YEATS2: variants seen among roughly 807,000 people sequenced by gnomAD.
YEATS2 encodes the protein YEATS domain containing 2, also known as YEATS domain-containing protein 2.
Under a neutral mutation model 163.2 loss-of-function variants are expected in YEATS2, and 77 were observed. The observed-to-expected ratio is 0.47, with a 90% CI of 0.39 to 0.57. YEATS2 has a LOEUF of 0.57. Among genes scored for constraint, YEATS2 ranks in the 20% least tolerant of loss-of-function variants. The probability of loss-of-function intolerance (pLI) is 0.00; values close to 1 mark genes in which losing one functional copy is unlikely to be tolerated. For missense variants in YEATS2, 1,549 were observed against 1,729.8 expected, an observed-to-expected ratio of 0.90 and a Z score of 1.85; for synonymous variants, 631 against 645.1, an observed-to-expected ratio of 0.98 and a Z score of 0.33.
chr3:183,786,014 CT>C, intron 19 of YEATS2, 110 bp from the exon 20 acceptor site: 1 of 1,298,912 alleles, frequency 7.7e-7, no homozygotes, highest in Admixed American at 2.3e-5. Context: ...ATTGGTAAGA[CT>C]TTCTTGGTTA....
intron 19 of YEATS2, among the ~76,000 whole-genome samples, chr3:183,784,036 G>C (rs572215034): frequency 1.3e-5 from 2 of 152,232 alleles, no homozygotes; most frequent in South Asian, 2.1e-4. Flanking sequence ...CTCCCAAGTA[G>C]TTAGGACTAC....
At chr3:183,707,075 C>T (rs923505126) in intron 1 of YEATS2, among the ~76,000 whole-genome samples, 1 of 152,166 alleles carries the variant, frequency 6.6e-6, no homozygotes, top group Non-Finnish European at 1.5e-5. Context: ...GATTTGGGTT[C>T]CTTCCCAAAG....
At chr3:183,738,391 CTTTTT>C (rs1173865612) in intron 8 of YEATS2, among the ~76,000 whole-genome samples, 82 of 74,038 alleles carry the variant, frequency 1.1e-3, no homozygotes, top group East Asian at 4.1e-3. Context: ...AGGAAAAGTT[CTTTTT>C]TTTTTTTTTT....
chr3:183,762,667 T>A (rs1449937087), intron 15 of YEATS2, among the ~76,000 whole-genome samples: 4 of 152,216 alleles, frequency 2.6e-5, no homozygotes. Context: ...GGCTGTTACC[T>A]GTTTAATGAT....
At chr3:183,774,363 T>TCCTTATGAGAATCTAATG (rs1722764157) in intron 17 of YEATS2, among the ~76,000 whole-genome samples, 1 of 152,168 alleles carries the variant, frequency 6.6e-6, no homozygotes, top group Admixed American at 6.5e-5. Context: ...GGTTGTGTGC[T>TCCTTATGAGAATCTAATG]CCTTATGAGA....
intron 10 of YEATS2, among the ~76,000 whole-genome samples, chr3:183,753,267 C>T (rs1000434050): frequency 6.6e-5 from 10 of 152,022 alleles, no homozygotes; most frequent in Non-Finnish European, 1.5e-4. Context: ...TTAAATTTAA[C>T]AAATATATGT....
chr3:183,722,745 C>T (rs1577058980), intron 5 of YEATS2, among the ~76,000 whole-genome samples: 1 of 152,176 alleles, frequency 6.6e-6, no homozygotes, highest in East Asian at 1.9e-4. Flanking sequence ...CTCTGTCTCC[C>T]AGGTTCAAGC....
At position 183,776,018 on chromosome 3, in the gene YEATS2, A is replaced by T; in HGVS notation, c.2472A>T (p.Gly824=). Reference sequence around the variant, plus strand: ...GCAGCGGTGGAGGCGGCAGCACAGGAGGAGGAGGAGGAACAGCAGGAGGAG... The same window carrying T: ...GCAGCGGTGGAGGCGGCAGCACAGGTGGAGGAGGAGGAACAGCAGGAGGAG... ...GSGSGGGGST[G]GGGGTAGGGT... is the part of the protein sequence containing the mutation. Residue 824 remains glycine (G), a synonymous_variant, in exon 18 of 31, where the codon GGA becomes GGT. Coordinates refer to ENST00000305135, the MANE Select transcript of YEATS2 (RefSeq NM_018023.5). The T allele has an allele frequency of 6.2e-7, 1 of 1,612,392 alleles. No homozygotes were observed. Among genetic ancestry groups the T allele is most frequent in the Non-Finnish European group, 8.5e-7 (1 of 1,179,368 alleles).
At chr3:183,705,258 C>T (rs1043045960) in intron 1 of YEATS2, among the ~76,000 whole-genome samples, 1 of 152,066 alleles carries the variant, frequency 6.6e-6, no homozygotes, top group African/African-American at 2.4e-5. Context: ...CTGTGTTGCC[C>T]AGGGTGGTCT....
At chr3:183,805,606 C>T (rs543726656) in intron 27 of YEATS2, among the ~76,000 whole-genome samples, 3 of 151,976 alleles carry the variant, frequency 2.0e-5, no homozygotes, top group South Asian at 2.1e-4. Flanking sequence ...CTGGACAACA[C>T]GGTGAAACCT....
At position 183,773,798 on chromosome 3, in the gene YEATS2, A is replaced by C. The variant is rs1289783906; in HGVS notation, c.2368+4A>C. On this transcript the variant is annotated splice_donor_region_variant and intron_variant, in intron 17 of 30. Coordinates refer to ENST00000305135, the MANE Select transcript of YEATS2 (RefSeq NM_018023.5). ...CTGCGAGCTACGAACAATGCTAGTT[A>C]GTGAAACCATTGGGTTGAATCATTT... 6.3e-7 allele frequency: 1 copy of C among 1,599,860 alleles called. No homozygotes were observed. Among genetic ancestry groups the C allele is most frequent in the Non-Finnish European group, 8.5e-7 (1 of 1,175,720 alleles).
At chr3:183,755,098 A>G (rs1020421358) in intron 11 of YEATS2, among the ~76,000 whole-genome samples, 13 of 151,894 alleles carry the variant, frequency 8.6e-5, no homozygotes, top group Non-Finnish European at 1.3e-4. Flanking sequence ...ATGAGAGATA[A>G]ATAGCTTCTA....
At chr3:183,793,368 G>A (rs1724839438) in intron 21 of YEATS2, 2 of 1,087,590 alleles carry the variant, frequency 1.8e-6, no homozygotes, top group Admixed American at 8.7e-5. Context: ...CTACCTCCCT[G>A]TTAAAATTGA....
chr3:183,721,659 A>T (rs868681527), intron 4 of YEATS2, among the ~76,000 whole-genome samples: 1 of 152,192 alleles, frequency 6.6e-6, no homozygotes, highest in African/African-American at 2.4e-5. Flanking sequence ...GGAAGACCCT[A>T]CATCTCTAGC....
intron 7 of YEATS2, among the ~76,000 whole-genome samples, chr3:183,733,289 C>T (rs1482442158): frequency 6.6e-6 from 1 of 152,234 alleles, no homozygotes; most frequent in East Asian, 1.9e-4. Context: ...TTATGTACCA[C>T]TCAGAATCAT....
chr3:183,716,059 G>A (rs949586359), intron 2 of YEATS2, among the ~76,000 whole-genome samples: 13 of 151,856 alleles, frequency 8.6e-5, no homozygotes, highest in Non-Finnish European at 1.3e-4. Flanking sequence ...TCCCCGGTTC[G>A]CGCCATTCTC....
intron 2 of YEATS2, among the ~76,000 whole-genome samples, chr3:183,716,328 A>G (rs1052812886): frequency 1.3e-5 from 2 of 152,162 alleles, no homozygotes; most frequent in Non-Finnish European, 2.9e-5. Flanking sequence ...TAATCTACCT[A>G]AGTTAATACT....
intron 24 of YEATS2, 71 bp from the exon 25 acceptor site, chr3:183,801,384 G>A (rs1725648619): frequency 3.8e-6 from 4 of 1,044,742 alleles, no homozygotes; most frequent in Non-Finnish European, 5.6e-6. Flanking sequence ...TAAGTACATG[G>A]CATATATATG....
At chr3:183,807,843 A>G (rs1294945519) in intron 28 of YEATS2, 187 bp from the exon 29 acceptor site, 1 of 552,288 alleles carries the variant, frequency 1.8e-6, no homozygotes, top group Non-Finnish European at 3.3e-6. Flanking sequence ...AGAAATGTGG[A>G]AAAACAAGAT....
Sources: gnomAD v4.1 joint callset for allele counts (sites outside exome capture counted in the v4.1 genomes callset) on GRCh38, gnomAD v4.1.1 for gene constraint, MANE v1.5 for transcripts, NCBI Gene and HGNC (gene_info 2026-07-23, HGNC 2026-07-21) for gene names.